The following GRIA1 variants were observed in gnomAD, a reference collection of about 807,000 sequenced individuals.
GRIA1 encodes glutamate receptor 1.
GRIA1 carries 31 observed loss-of-function variants against 99.2 expected under a neutral mutation model. The ratio of observed to expected loss-of-function variants is 0.31; its 90% confidence interval spans 0.23 to 0.42. The LOEUF (loss-of-function observed/expected upper bound fraction) is 0.42, where lower values mean the gene tolerates loss of function less well. Among genes scored for constraint, GRIA1 ranks in the 10% least tolerant of loss-of-function variants. The probability of loss-of-function intolerance (pLI) is 1.00; values close to 1 mark genes in which losing one functional copy is unlikely to be tolerated. For synonymous variants in GRIA1, 438 were observed against 432.4 expected, an observed-to-expected ratio of 1.01 and a Z score of -0.16; for missense variants, 782 against 1,157.5, an observed-to-expected ratio of 0.68 and a Z score of 4.71.
At chr5:153,773,426 T>C (rs1764013758) in intron 13 of GRIA1, among the ~76,000 whole-genome samples, 1 of 152,060 alleles carries the variant, frequency 6.6e-6, no homozygotes, top group Non-Finnish European at 1.5e-5. Flanking sequence ...AACCACCAAC[T>C]TGGGAATTAA....
chr5:153,729,800 A>G (rs974339641), intron 11 of GRIA1, among the ~76,000 whole-genome samples: 6 of 152,086 alleles, frequency 3.9e-5, no homozygotes, highest in Non-Finnish European at 7.4e-5. Context: ...AAACCTCTAA[A>G]ACCCTCAAAT....
chr5:153,529,772 A>G (rs2113423017), intron 2 of GRIA1, among the ~76,000 whole-genome samples: 1 of 152,240 alleles, frequency 6.6e-6, no homozygotes, highest in Middle Eastern at 3.4e-3. Context: ...TGGGCAGAAC[A>G]GTTGCAAACT....
intron 2 of GRIA1, among the ~76,000 whole-genome samples, chr5:153,639,360 C>T (rs1753623248): frequency 2.0e-5 from 3 of 152,222 alleles, no homozygotes; most frequent in African/African-American, 7.2e-5. Context: ...TGCATCTCTA[C>T]TGCTTTCCTC....
At chr5:153,608,591 G>T (rs922239523) in intron 2 of GRIA1, among the ~76,000 whole-genome samples, 2 of 151,906 alleles carry the variant, frequency 1.3e-5, no homozygotes, top group African/African-American at 4.8e-5. Flanking sequence ...AATTTTTCGT[G>T]GTTCTTTCAC....
intron 11 of GRIA1, among the ~76,000 whole-genome samples, chr5:153,763,909 A>G (rs977030166): frequency 1.3e-5 from 2 of 152,220 alleles, no homozygotes; most frequent in African/African-American, 4.8e-5. Flanking sequence ...TTCTGATTCT[A>G]TTTCCAATGT....
chr5:153,714,109 G>A (rs1759504845), intron 11 of GRIA1, among the ~76,000 whole-genome samples: 1 of 152,210 alleles, frequency 6.6e-6, no homozygotes, highest in Non-Finnish European at 1.5e-5. Flanking sequence ...AATAGCATAG[G>A]AGTGGAAGTC....
intron 2 of GRIA1, among the ~76,000 whole-genome samples, chr5:153,576,967 TG>T (rs1762587776): frequency 6.9e-6 from 1 of 144,626 alleles, no homozygotes; most frequent in East Asian, 3.0e-4. Context: ...GATGGATGGA[TG>T]GATGGATGGA....
intron 2 of GRIA1, among the ~76,000 whole-genome samples, chr5:153,629,146 T>C (rs914110675): frequency 1.3e-5 from 2 of 152,208 alleles, no homozygotes; most frequent in African/African-American, 2.4e-5. Context: ...TTGCATGCCC[T>C]TTCTGCTTTT....
chr5:153,549,758 TC>T (rs199514105), intron 2 of GRIA1, among the ~76,000 whole-genome samples: 1 of 151,996 alleles, frequency 6.6e-6, no homozygotes, highest in East Asian at 1.9e-4. Context: ...TCCAAGAAGA[TC>T]TTTTTTCTAC....
intron 11 of GRIA1, among the ~76,000 whole-genome samples, chr5:153,752,257 G>A (rs1762554211): frequency 6.6e-6 from 1 of 152,018 alleles, no homozygotes. Flanking sequence ...TCTATCTCCT[G>A]GCGTTCTCCC....
chr5:153,661,660 G>T (rs1037864610), intron 5 of GRIA1, among the ~76,000 whole-genome samples: 1 of 152,050 alleles, frequency 6.6e-6, no homozygotes, highest in Non-Finnish European at 1.5e-5. Context: ...GCTTTAAAAA[G>T]TCAATGAATG....
At chr5:153,492,387 C>T (rs567748166) in intron 1 of GRIA1, 33 of 1,333,888 alleles carry the variant, frequency 2.5e-5, no homozygotes, top group South Asian at 1.1e-4. Flanking sequence ...TAGCCCAGCC[C>T]GTAGCCTTCT....
chr5:153,528,249 T>A, intron 2 of GRIA1, among the ~76,000 whole-genome samples: 1 of 152,314 alleles, frequency 6.6e-6, no homozygotes, highest in East Asian at 1.9e-4. Flanking sequence ...TCTTTTAAAT[T>A]TTCTTTTTAT....
At chr5:153,733,857 T>C (rs543532185) in intron 11 of GRIA1, among the ~76,000 whole-genome samples, 2 of 152,170 alleles carry the variant, frequency 1.3e-5, no homozygotes, top group Non-Finnish European at 1.5e-5. Flanking sequence ...TACCTAAATA[T>C]ACAAAGCAAA....
chr5:153,740,018 T>C (rs1761667414), intron 11 of GRIA1, among the ~76,000 whole-genome samples: 1 of 152,250 alleles, frequency 6.6e-6, no homozygotes, highest in African/African-American at 2.4e-5. Flanking sequence ...TGATTGCTAA[T>C]GTTCTCTATA....
At chr5:153,563,285 C>T (rs1018743713) in intron 2 of GRIA1, among the ~76,000 whole-genome samples, 6 of 152,090 alleles carry the variant, frequency 3.9e-5, no homozygotes, top group African/African-American at 1.4e-4. Context: ...GTTTTGTGCC[C>T]TCTGAGAGTT....
chr5:153,556,882 T>A (rs1760694485), intron 2 of GRIA1, among the ~76,000 whole-genome samples: 1 of 152,210 alleles, frequency 6.6e-6, no homozygotes, highest in Admixed American at 6.5e-5. Context: ...AGAGTGTTAC[T>A]TACACAAATC....
intron 11 of GRIA1, among the ~76,000 whole-genome samples, chr5:153,732,497 A>G: frequency 6.6e-6 from 1 of 152,098 alleles, no homozygotes; most frequent in East Asian, 1.9e-4. Flanking sequence ...ACCTTTTCAT[A>G]TACACATTGG....
chr5:153,655,961 G>T, intron 5 of GRIA1, 89 bp downstream of exon 5: 1 of 1,118,284 alleles, frequency 8.9e-7, no homozygotes, highest in Non-Finnish European at 1.4e-6. Flanking sequence ...GATGTGAACT[G>T]AGTAGGTGGA....
Sources: gnomAD v4.1 joint callset for allele counts (sites outside exome capture counted in the v4.1 genomes callset) on GRCh38, gnomAD v4.1.1 for gene constraint, MANE v1.5 for transcripts, NCBI Gene and HGNC (gene_info 2026-07-23, HGNC 2026-07-21) for gene names.